TBC1D2B: variants seen among roughly 807,000 people sequenced by gnomAD.
TBC1D2B encodes the protein TBC1 domain family member 2B.
Under a neutral mutation model 100.8 loss-of-function variants are expected in TBC1D2B, and 64 were observed. The observed-to-expected ratio is 0.64, with a 90% CI of 0.52 to 0.78. TBC1D2B has a LOEUF of 0.78. Among genes scored for constraint, TBC1D2B ranks in the 30% least tolerant of loss-of-function variants. The pLI is 0.00. For synonymous variants in TBC1D2B, 480 were observed against 479.7 expected, an observed-to-expected ratio of 1.00 and a Z score of -0.01; for missense variants, 1,052 against 1,218.4, an observed-to-expected ratio of 0.86 and a Z score of 2.03.
chr15:78,004,279 C>T (rs977364667), intron 10 of TBC1D2B, among the ~76,000 whole-genome samples: 4 of 152,218 alleles, frequency 2.6e-5, no homozygotes, highest in African/African-American at 7.2e-5. Flanking sequence ...AGGCCAGACA[C>T]GTGGACCATC....
intron 2 of TBC1D2B, among the ~76,000 whole-genome samples, chr15:78,046,016 C>T (rs1394026632): frequency 6.6e-6 from 1 of 152,144 alleles, no homozygotes; most frequent in Non-Finnish European, 1.5e-5. Flanking sequence ...ACTGCAACCT[C>T]CTCCTCCTGG....
At chr15:78,017,594 G>A (rs2072410365) in intron 7 of TBC1D2B, among the ~76,000 whole-genome samples, 1 of 152,068 alleles carries the variant, frequency 6.6e-6, no homozygotes, top group Non-Finnish European at 1.5e-5. Context: ...ATTTTCTGTA[G>A]CTTCTCATTC....
In TBC1D2B at chr15:78,012,970, T is replaced by C; in HGVS notation, c.2123A>G (p.Lys708Arg). The change falls in exon 9 of 13, where the codon AAG becomes AGG. Residue 708 changes from lysine (K) to arginine (R), a missense_variant. Physicochemically the swap from Lys to Arg is conservative, Grantham distance 26. Coordinates refer to ENST00000300584, the MANE Select transcript of TBC1D2B (RefSeq NM_144572.2). ...TCGCAGCAAGTCCAGCTCAATCTGC[T>C]TGGAGGCTGGGTTCTGTTTCTCCAG... The part of the protein sequence containing the change: ...KALEKQNPAS[K>R]QIELDLLRTL... The C allele has an allele frequency of 6.3e-7, 1 of 1,588,954 alleles. No homozygotes were observed. Among genetic ancestry groups the C allele is most frequent in the East Asian group, 2.3e-5 (1 of 44,436 alleles).
At position 78,012,812 on chromosome 15, in the gene TBC1D2B, T is replaced by G. The variant is rs2072265236; in HGVS notation, c.2270+11A>C. 1 of 1,476,990 alleles carries G rather than the reference T, an allele frequency of 6.8e-7. No homozygotes were observed. Among genetic ancestry groups the G allele is most frequent in the Non-Finnish European group, 9.0e-7 (1 of 1,113,330 alleles). The allele number at this position is 1,476,990 out of a possible 1,614,324, so 91.5% of individuals were successfully genotyped here. A position where few individuals can be genotyped will look rare whatever the true frequency, so the allele number is the denominator to read the frequency against. On this transcript the variant is annotated intron_variant, in intron 9 of 12. Transcript: ENST00000300584. ...AATGGCAAATGGGAACATTTTGTGC[T>G]GTGCACCCACCTGTTTAGGCCTTGA...
In TBC1D2B at chr15:78,025,290, T is replaced by TCCA; in HGVS notation, c.1052_1054dup (p.Leu351_Glu352insVal). On this transcript the variant is annotated inframe_insertion, in exon 5 of 13. Transcript: ENST00000300584. ...ACTGGACAGGTCTTTCTTTAACTGTTCCAGCTCTTCCTGCTGGCTCTGGAC... is the reference window on the plus strand; with the variant it reads ...ACTGGACAGGTCTTTCTTTAACTGTTCCACCAGCTCTTCCTGCTGGCTCTGGAC... The TCCA allele has an allele frequency of 6.2e-7, 1 of 1,613,758 alleles. No individual in the cohort carries two copies. Among genetic ancestry groups the TCCA allele is most frequent in the Non-Finnish European group, 8.5e-7 (1 of 1,179,876 alleles).
intron 1 of TBC1D2B, among the ~76,000 whole-genome samples, 184 bp from the exon 2 acceptor site, chr15:78,054,371 T>C (rs1430026780): frequency 2.0e-5 from 3 of 152,246 alleles, no homozygotes. Context: ...CAAATAGCAA[T>C]TGTAACATGA....
At chr15:78,026,199 C>A (rs1436790558) in intron 4 of TBC1D2B, among the ~76,000 whole-genome samples, 1 of 151,606 alleles carries the variant, frequency 6.6e-6, no homozygotes, top group African/African-American at 2.4e-5. Flanking sequence ...GAATGTGTCC[C>A]CCAAAGTTTA....
At chr15:78,035,190 G>A (rs754256170) in intron 3 of TBC1D2B, among the ~76,000 whole-genome samples, 2 of 152,200 alleles carry the variant, frequency 1.3e-5, no homozygotes, top group African/African-American at 2.4e-5. Context: ...CTTGTCAGGG[G>A]CAGTGGTCAG....
intron 3 of TBC1D2B, among the ~76,000 whole-genome samples, chr15:78,039,081 T>C (rs2073014248): frequency 6.6e-6 from 1 of 152,238 alleles, no homozygotes. Flanking sequence ...CCTTCCTTTC[T>C]GCTTCCTTCT....
intron 1 of TBC1D2B, chr15:78,066,231 G>A: frequency 2.9e-6 from 1 of 348,726 alleles, no homozygotes. Flanking sequence ...CTCCTCTGCA[G>A]CATAGAAACT....
intron 1 of TBC1D2B, among the ~76,000 whole-genome samples, chr15:78,055,491 A>G (rs1247797535): frequency 6.6e-6 from 1 of 152,200 alleles, no homozygotes; most frequent in Non-Finnish European, 1.5e-5. Context: ...ATCCAGTGAC[A>G]TGTGCAGACA....
intron 2 of TBC1D2B, among the ~76,000 whole-genome samples, chr15:78,050,631 A>G (rs2073294757): frequency 6.6e-6 from 1 of 152,214 alleles, no homozygotes; most frequent in South Asian, 2.1e-4. Context: ...TTATGTTGAA[A>G]CTAGGTCTTT....
At chr15:78,008,955 A>G (rs1188487286) in intron 10 of TBC1D2B, 42 bp downstream of exon 10, 3 of 1,400,676 alleles carry the variant, frequency 2.1e-6, no homozygotes, top group Non-Finnish European at 3.0e-6. Context: ...TTCAGCTGCA[A>G]TTCTAAAAGT....
At chr15:78,055,290 T>C (rs985800024) in intron 1 of TBC1D2B, among the ~76,000 whole-genome samples, 1 of 140,556 alleles carries the variant, frequency 7.1e-6, no homozygotes, top group African/African-American at 2.6e-5. Context: ...CAGAATTATA[T>C]ACACAAAGAG....
In TBC1D2B at chr15:77,997,993, C is replaced by T; in HGVS notation, c.*167G>A. The T allele has an allele frequency of 1.7e-6, 1 of 575,990 alleles. No homozygotes were observed. The highest frequency in any genetic ancestry group is 2.9e-6 in the Non-Finnish European group (1 of 347,332). 35.7% of individuals were successfully genotyped at this position (575,990 alleles called of 1,614,324 possible). ...GGTTGTAAACAGATTAGACCTCCCA[C>T]CCCTGCCCCCCGCACAGTGGGAAAT... On this transcript the variant is annotated 3_prime_UTR_variant, in exon 13 of 13. Transcript: ENST00000300584.
rs1334874653 is a variant in TBC1D2B at position 78,003,347 on chromosome 15, G to C, written c.2532C>G (p.Ile844Met). 3.1e-6 allele frequency: 5 copies of C among 1,613,858 alleles called. No homozygotes were observed. The highest frequency in any genetic ancestry group is 3.4e-6 in the Non-Finnish European group (4 of 1,179,854). Residue 844 changes from isoleucine to methionine, a missense_variant, in exon 11 of 13, where the codon ATC (isoleucine) becomes ATG (methionine). Coordinates refer to ENST00000300584, the MANE Select transcript of TBC1D2B (RefSeq NM_144572.2). Reference sequence around the variant, plus strand: ...GGAAAGAGTCCCATATTTTAAAGAGGATGTCACTAACGACACTATCCACAA... The same window carrying C: ...GGAAAGAGTCCCATATTTTAAAGAGCATGTCACTAACGACACTATCCACAA... ...VVFVDSVVSDILFKIWDSFLY... is the reference protein window; with the variant it reads ...VVFVDSVVSDMLFKIWDSFLY...
Position 78,003,509 on chromosome 15 carries a change from G to C in TBC1D2B, c.2389-19C>G. 2 of 1,594,846 alleles carry C rather than the reference G, an allele frequency of 1.3e-6. No homozygotes were observed. The highest frequency in any genetic ancestry group is 1.1e-5 in the South Asian group (1 of 90,542). ...GGTCCACCTGGAGAGGGAACAAAGG[G>C]GAGAAGTGTATCAGGCCTGCCAGGT... is the stretch of plus-strand genomic sequence containing the variant. On this transcript the variant is annotated intron_variant, in intron 10 of 12. Transcript: ENST00000300584.
chr15:78,020,564 T>C (rs975453838), intron 6 of TBC1D2B, among the ~76,000 whole-genome samples: 4 of 152,044 alleles, frequency 2.6e-5, no homozygotes, highest in African/African-American at 7.2e-5. Context: ...CACAGACAAA[T>C]ACACTGAGGC....
chr15:78,068,537 G>A (rs1375870931), intron 1 of TBC1D2B, among the ~76,000 whole-genome samples: 1 of 152,146 alleles, frequency 6.6e-6, no homozygotes, highest in Non-Finnish European at 1.5e-5. Context: ...CCTAGGAGGT[G>A]ATGCTCTGGT....
Sources: gnomAD v4.1 joint callset for allele counts (sites outside exome capture counted in the v4.1 genomes callset) on GRCh38, gnomAD v4.1.1 for gene constraint, MANE v1.5 for transcripts, NCBI Gene and HGNC (gene_info 2026-07-23, HGNC 2026-07-21) for gene names.